The following RAPGEF2 variants were observed in gnomAD, a reference collection of about 807,000 sequenced individuals.
RAPGEF2 encodes the protein PDZ domain containing guanine nucleotide exchange factor (GEF) 1.
RAPGEF2 carries 54 observed loss-of-function variants against 186.7 expected under a neutral mutation model. The ratio of observed to expected loss-of-function variants is 0.29; its 90% CI spans 0.23 to 0.36. The LOEUF is 0.36. RAPGEF2 is among the 10% of genes least tolerant of loss of function. The pLI, the probability that RAPGEF2 is intolerant of heterozygous loss-of-function variation, is 1.00. For synonymous variants in RAPGEF2, 712 were observed against 705.9 expected (o/e 1.01, Z -0.14); for missense variants, 1,532 against 2,045.0 (o/e 0.75, Z 4.84).
rs1314209716 is a variant in RAPGEF2 at position 159,350,246 on chromosome 4, G to T, written c.3822G>T (p.Gln1274His). 6.3e-7 allele frequency: 1 copy of T among 1,599,804 alleles called. No homozygotes were observed. The highest frequency in any genetic ancestry group is 8.5e-7 in the Non-Finnish European group (1 of 1,173,472). Residue 1274 changes from glutamine (Q) to histidine (H), a missense_variant, in exon 26 of 30, where the codon CAG (glutamine) becomes CAT (histidine). By Grantham distance (24) the Gln-to-His change is conservative. Around this residue, in one of 4 missense-constraint regions of RAPGEF2, gnomAD observed 594 missense variants for 608.5 expected, o/e 0.98. Coordinates refer to ENST00000691494, the MANE Select transcript of RAPGEF2 (RefSeq NM_001394067.2). Reference sequence around the variant, plus strand: ...ATACAATATCAAATGCATCTTCGCAGCTTTCTTCTCCTCCTACTTCTCCAC... The same window carrying T: ...ATACAATATCAAATGCATCTTCGCATCTTTCTTCTCCTCCTACTTCTCCAC... ...AEDTISNASSQLSSPPTSPQS... is the reference protein window; with the variant it reads ...AEDTISNASSHLSSPPTSPQS...
chr4:159,285,656 T>C (rs902059573), intron 7 of RAPGEF2, among the ~76,000 whole-genome samples: 28 of 152,182 alleles, frequency 1.8e-4, no homozygotes, highest in African/African-American at 6.5e-4. Context: ...TGGGGCTACA[T>C]GTATGTAACT....
rs377741085 is a variant in RAPGEF2 at position 159,271,777 on chromosome 4, C to G, written c.543+27986C>G. On this transcript the variant is annotated intron_variant, in intron 7 of 29. Coordinates refer to ENST00000691494, the MANE Select transcript of RAPGEF2 (RefSeq NM_001394067.2). ...CTTTTTTCCTGCAGCTATCTTTTTC[C>G]TGGCATATGTGACATTCCAAGCAGC... is the stretch of plus-strand genomic sequence containing the variant. Among the ~76,000 whole-genome samples, 3 of 152,120 alleles carry G rather than the reference C, an allele frequency of 2.0e-5. No homozygotes were observed. The East Asian group carries it at 5.8e-4, about 29-fold the overall frequency.
At chr4:159,142,650 T>A (rs932266184) in intron 1 of RAPGEF2, among the ~76,000 whole-genome samples, 8 of 152,194 alleles carry the variant, frequency 5.3e-5, no homozygotes, top group Admixed American at 2.0e-4. Context: ...ATATATGTTT[T>A]AACATATAAT....
chr4:159,327,778 A>C (rs1200708813), intron 11 of RAPGEF2: 1 of 152,222 alleles, frequency 6.6e-6, no homozygotes, highest in Non-Finnish European at 1.5e-5. Flanking sequence ...GCTTATTTAA[A>C]AAAGATAAAT....
At chr4:159,214,194 C>T (rs1750790860) in intron 4 of RAPGEF2, among the ~76,000 whole-genome samples, 1 of 152,136 alleles carries the variant, frequency 6.6e-6, no homozygotes. Flanking sequence ...TGTGTTTTTT[C>T]AGATCTATGA....
At position 159,221,908 on chromosome 4, in the gene RAPGEF2, G is replaced by A. The variant is rs531713605; in HGVS notation, c.281+11325G>A. On this transcript the variant is annotated intron_variant, in intron 4 of 29. Coordinates refer to ENST00000691494, the MANE Select transcript of RAPGEF2 (RefSeq NM_001394067.2). The stretch of plus-strand genomic sequence containing the variant: ...CAACTAGAGTTGATGATATTGAAGG[G>A]AAACTTTAGCTACACTAGTTTTAAG... 3.3e-5 allele frequency among the ~76,000 whole-genome samples: 5 copies of A among 152,248 alleles called. No individual in the cohort carries two copies. The South Asian group carries it at 6.2e-4, about 19-fold the overall frequency.
chr4:159,323,405 C>G, intron 10 of RAPGEF2, 54 bp from the exon 11 acceptor site: 18 of 1,418,028 alleles, frequency 1.3e-5, no homozygotes, highest in Non-Finnish European at 1.7e-5. Flanking sequence ...CTGGCACTTA[C>G]AGCTGTATGA....
chr4:159,346,840 T>A lies in RAPGEF2; in HGVS notation c.3554T>A (p.Val1185Glu), dbSNP rs765629503. 4 of 1,614,160 alleles carry A rather than the reference T, an allele frequency of 2.5e-6. No individual in the cohort carries two copies. The highest frequency in any genetic ancestry group is 3.4e-6 in the Non-Finnish European group (4 of 1,180,026). The stretch of plus-strand genomic sequence containing the variant: ...CCTGTCAAATCCGAGACCTCTCCAG[T>A]AGCTCCAAGGGCAGGGTCACAACAG... ...KKPVKSETSP[V>E]APRAGSQQKA... The change falls in exon 25 of 30, where the codon GTA becomes GAA. Residue 1185 changes from valine (V) to glutamate (E), a missense_variant. Physicochemically the swap from Val to Glu is moderately radical, Grantham distance 121 (BLOSUM62 -2). This residue lies in a region of RAPGEF2 where 594 missense variants were observed against 608.5 expected (regional missense o/e 0.98). Transcript: ENST00000691494.
rs778233990 is a variant in RAPGEF2, at chr4:159,273,626, G to GTT, written c.543+29837_543+29838dup. 1.7e-3 allele frequency among the ~76,000 whole-genome samples: 168 copies of GTT among 100,864 alleles called. 1 individual carries two copies. Among genetic ancestry groups the GTT allele is most frequent in the East Asian group, 7.5e-3 (26 of 3,472 alleles). The allele number at this position is 100,864 out of a possible 152,430, so 66.2% of individuals were successfully genotyped here. Reference sequence around the variant, plus strand: ...TTAGCCCTAGTAAGATCAGTAATCAGTTTCTTTCTTTCTTTCTTTCTTTCT... The same window carrying GTT: ...TTAGCCCTAGTAAGATCAGTAATCAGTTTTTCTTTCTTTCTTTCTTTCTTTCT... On this transcript the variant is annotated intron_variant, in intron 7 of 29. Coordinates refer to ENST00000691494, the MANE Select transcript of RAPGEF2 (RefSeq NM_001394067.2).
rs772804691 is a variant in RAPGEF2, at chr4:159,322,404, T to C, written c.911T>C (p.Val304Ala). ...LPAFANMTMSVRRELCAVMVF... is the reference protein window; with the variant it reads ...LPAFANMTMSARRELCAVMVF... Reference sequence around the variant, plus strand: ...GCTTTTGCCAATATGACAATGTCAGTGAGGCGAGAACTCTGTGCTGTGATG... The same window carrying C: ...GCTTTTGCCAATATGACAATGTCAGCGAGGCGAGAACTCTGTGCTGTGATG... Residue 304 changes from valine (V) to alanine (A), a missense_variant, in exon 10 of 30, where the codon GTG (valine) becomes GCG (alanine). Coordinates refer to ENST00000691494, the MANE Select transcript of RAPGEF2 (RefSeq NM_001394067.2). 4 of 1,613,952 alleles carry C rather than the reference T, an allele frequency of 2.5e-6. No homozygotes were observed. The Admixed American group carries it at 5.0e-5, about 20-fold the overall frequency.
intron 19 of RAPGEF2, among the ~76,000 whole-genome samples, chr4:159,341,038 T>G (rs975231012): frequency 6.6e-6 from 1 of 152,184 alleles, no homozygotes; most frequent in African/African-American, 2.4e-5. Flanking sequence ...GATTGTTCTA[T>G]TCATAGGATC....
intron 3 of RAPGEF2, among the ~76,000 whole-genome samples, chr4:159,197,908 C>T (rs577995290): frequency 6.6e-6 from 1 of 152,172 alleles, no homozygotes; most frequent in African/African-American, 2.4e-5. Flanking sequence ...GAAGGGATGT[C>T]ATTTTGCCTG....
chr4:159,337,779 A>G (rs2111240670), intron 17 of RAPGEF2, among the ~76,000 whole-genome samples: 1 of 150,686 alleles, frequency 6.6e-6, no homozygotes. Flanking sequence ...AGTCCCAGCT[A>G]CTCAGGAGGC....
At chr4:159,310,814 T>G (rs772868671) in intron 8 of RAPGEF2, among the ~76,000 whole-genome samples, 3 of 152,156 alleles carry the variant, frequency 2.0e-5, no homozygotes, top group Non-Finnish European at 4.4e-5. Flanking sequence ...TCTGTTTTAG[T>G]GTCTTTATTT....
intron 7 of RAPGEF2, chr4:159,267,229 T>A: frequency 3.1e-6 from 4 of 1,289,214 alleles, no homozygotes; most frequent in Non-Finnish European, 4.0e-6. Flanking sequence ...ATTTTTTATT[T>A]AGAAAAGGAA....
intron 1 of RAPGEF2, among the ~76,000 whole-genome samples, chr4:159,185,777 A>G (rs547138086): frequency 2.0e-5 from 3 of 152,190 alleles, no homozygotes; most frequent in Non-Finnish European, 4.4e-5. Context: ...TGAATTGTTC[A>G]CTTTAAAGGG....
chr4:159,352,092 C>T (rs940129727), intron 26 of RAPGEF2, among the ~76,000 whole-genome samples: 7 of 152,202 alleles, frequency 4.6e-5, no homozygotes, highest in Non-Finnish European at 1.0e-4. Context: ...GTGAAAAGTG[C>T]CCTTTAACTC....
intron 7 of RAPGEF2, among the ~76,000 whole-genome samples, chr4:159,272,874 G>A (rs555603153): frequency 3.5e-4 from 54 of 152,344 alleles, no homozygotes; most frequent in African/African-American, 1.2e-3. Flanking sequence ...CAGCAAAGGA[G>A]TGTAACCTCT....
chr4:159,114,513 A>G (rs1458167642), intron 1 of RAPGEF2, among the ~76,000 whole-genome samples: 1 of 152,194 alleles, frequency 6.6e-6, no homozygotes, highest in African/African-American at 2.4e-5. Flanking sequence ...CTGGGATTAT[A>G]GGTGTGAGCC....
Sources: allele counts gnomAD v4.1 joint callset (sites outside exome capture counted in the v4.1 genomes callset), GRCh38; gene constraint gnomAD v4.1.1; regional missense constraint gnomAD v4.1.1; transcripts MANE v1.5; gene names NCBI Gene and HGNC (gene_info 2026-07-23, HGNC 2026-07-21).